Variants in MEGF6 observed in about 807,000 individuals in gnomAD.
MEGF6 encodes the protein multiple epidermal growth factor-like domains protein 6.
A neutral mutation model predicts 207.1 loss-of-function variants in MEGF6; 184 were observed. The observed-to-expected ratio is 0.89, with a 90% confidence interval of 0.79 to 1.00. The LOEUF (loss-of-function observed/expected upper bound fraction) is 1.00, where lower values mean the gene tolerates loss of function less well. Ranked by LOEUF, MEGF6 falls within the 50% of genes least tolerant of loss-of-function variation. MEGF6 has a pLI of 0.00. For missense variants in MEGF6, 2,282 were observed against 2,202.9 expected, an observed-to-expected ratio of 1.04 and a Z score of -0.72; for synonymous variants, 1,038 against 910.0, an observed-to-expected ratio of 1.14 and a Z score of -2.53.
At chr1:3,546,203 C>A (rs886194048) in intron 4 of MEGF6, among the ~76,000 whole-genome samples, 2 of 152,242 alleles carry the variant, frequency 1.3e-5, no homozygotes, top group African/African-American at 2.4e-5. Flanking sequence ...TCCTCCCCCA[C>A]CTCAATCCTA....
chr1:3,512,478 C>T (rs1641388918), intron 7 of MEGF6, among the ~76,000 whole-genome samples: 1 of 152,238 alleles, frequency 6.6e-6, no homozygotes, highest in Admixed American at 6.5e-5. Flanking sequence ...TGTCCCCACC[C>T]AAATCTCACC....
intron 12 of MEGF6, 144 bp downstream of exon 12, chr1:3,508,931 C>T (rs899292600): frequency 5.3e-6 from 6 of 1,125,080 alleles, no homozygotes; most frequent in African/African-American, 4.7e-5. Context: ...CAGTGGCTCA[C>T]CCTCTCTGGG....
chr1:3,576,144 G>A (rs566224786), intron 4 of MEGF6, among the ~76,000 whole-genome samples: 11 of 152,370 alleles, frequency 7.2e-5, no homozygotes, highest in South Asian at 2.1e-4. Context: ...GCACTGGGCC[G>A]GGGAAGCCTT....
chr1:3,523,054 C>T (rs1340988694), intron 5 of MEGF6, among the ~76,000 whole-genome samples: 3 of 145,470 alleles, frequency 2.1e-5, no homozygotes, highest in Admixed American at 6.9e-5. Flanking sequence ...CCATGGTGGC[C>T]GGGACATGTG....
intron 1 of MEGF6, among the ~76,000 whole-genome samples, chr1:3,607,915 CG>C (rs1162281167): frequency 6.6e-6 from 1 of 152,188 alleles, no homozygotes; most frequent in Non-Finnish European, 1.5e-5. Flanking sequence ...GGCCCAGCGA[CG>C]GCATCACCAG....
chr1:3,566,056 G>A (rs1486797464), intron 4 of MEGF6, among the ~76,000 whole-genome samples: 1 of 152,198 alleles, frequency 6.6e-6, no homozygotes, highest in Non-Finnish European at 1.5e-5. Context: ...GACCCCTGAG[G>A]CTGACCTGGG....
intron 4 of MEGF6, among the ~76,000 whole-genome samples, chr1:3,575,905 A>C (rs1643628307): frequency 6.6e-6 from 1 of 152,038 alleles, no homozygotes; most frequent in South Asian, 2.1e-4. Flanking sequence ...CCCTGCCATG[A>C]CCCCCACTTC....
In MEGF6 at chr1:3,501,307, A is replaced by G; in HGVS notation, c.2316T>C (p.Asp772=). The stretch of plus-strand genomic sequence containing the variant: ...CCAGCCCCCAGCGGCCCTCGGGACA[A>G]TCTAGTGCCCACCCCCATGGCCAGT... ...PGRTGEDCEA[D]CPEGRWGLGC... The change falls in exon 19 of 37, where the codon GAT becomes GAC. Residue 772 remains aspartate, a splice_region_variant and synonymous_variant. Coordinates refer to ENST00000356575, the MANE Select transcript of MEGF6 (RefSeq NM_001409.4). The G allele has an allele frequency of 1.9e-6, 3 of 1,596,004 alleles. No homozygotes were observed. The highest frequency in any genetic ancestry group is 2.6e-6 in the Non-Finnish European group (3 of 1,171,948).
intron 5 of MEGF6, among the ~76,000 whole-genome samples, chr1:3,517,641 A>T (rs886205996): frequency 1.3e-5 from 2 of 152,160 alleles, no homozygotes; most frequent in Non-Finnish European, 2.9e-5. Flanking sequence ...GGACACTGAG[A>T]CCCAGCTGCA....
At chr1:3,508,764 C>A in intron 12 of MEGF6, 75 bp from the exon 13 acceptor site, 2 of 1,565,266 alleles carry the variant, frequency 1.3e-6, no homozygotes, top group East Asian at 2.3e-5. Flanking sequence ...CGGCTCAGAC[C>A]CTCAGGCCAG....
intron 4 of MEGF6, among the ~76,000 whole-genome samples, chr1:3,535,545 G>A (rs893979141): frequency 6.6e-5 from 10 of 152,082 alleles, no homozygotes; most frequent in East Asian, 3.9e-4. Flanking sequence ...GGAGTCCCCC[G>A]CTTCTGCTCC....
chr1:3,521,790 GC>G (rs1157952108), intron 5 of MEGF6, among the ~76,000 whole-genome samples: 2 of 152,108 alleles, frequency 1.3e-5, no homozygotes, highest in African/African-American at 4.8e-5. Context: ...TATCCCCCAC[GC>G]ACAGCTCGCA....
chr1:3,528,803 C>G (rs1642052078), intron 4 of MEGF6, among the ~76,000 whole-genome samples: 1 of 152,166 alleles, frequency 6.6e-6, no homozygotes, highest in African/African-American at 2.4e-5. Context: ...CCTAGAGCCT[C>G]CAGAAGGAGC....
At chr1:3,513,033 C>A (rs1322828683) in intron 7 of MEGF6, among the ~76,000 whole-genome samples, 1 of 152,118 alleles carries the variant, frequency 6.6e-6, no homozygotes, top group Non-Finnish European at 1.5e-5. Flanking sequence ...GAGGGGGCAG[C>A]GGTGTGTTCC....
At chr1:3,502,386 C>G (rs1374683989) in intron 17 of MEGF6, among the ~76,000 whole-genome samples, 1 of 152,162 alleles carries the variant, frequency 6.6e-6, no homozygotes, top group East Asian at 1.9e-4. Flanking sequence ...CAGTGTGTCC[C>G]CAGTCCAACC....
chr1:3,516,974 C>T (rs1444467198), intron 5 of MEGF6, among the ~76,000 whole-genome samples: 2 of 152,198 alleles, frequency 1.3e-5, no homozygotes, highest in Non-Finnish European at 2.9e-5. Flanking sequence ...ACCTAACTGC[C>T]CAGACAAGAT....
upstream of MEGF6, among the ~76,000 whole-genome samples, chr1:3,616,314 T>C (rs1309359755): frequency 1.3e-5 from 2 of 152,314 alleles, no homozygotes; most frequent in Middle Eastern, 6.8e-3. Context: ...CACAGACATT[T>C]CTCCTGATAG....
chr1:3,516,423 G>A (rs1464985240), intron 5 of MEGF6, among the ~76,000 whole-genome samples: 9 of 152,220 alleles, frequency 5.9e-5, no homozygotes, highest in African/African-American at 1.9e-4. Flanking sequence ...GCTGTTGCCT[G>A]TGCCCGGGCA....
intron 4 of MEGF6, among the ~76,000 whole-genome samples, chr1:3,545,355 C>T (rs1642667787): frequency 6.6e-6 from 1 of 152,118 alleles, no homozygotes; most frequent in Non-Finnish European, 1.5e-5. Flanking sequence ...CTGAGTGGAC[C>T]CTTCTGAGGG....
Sources: gnomAD v4.1 joint callset for allele counts (sites outside exome capture counted in the v4.1 genomes callset) on GRCh38, gnomAD v4.1.1 for gene constraint, MANE v1.5 for transcripts, NCBI Gene and HGNC (gene_info 2026-07-23, HGNC 2026-07-21) for gene names.